PRLR: variants seen among roughly 807,000 people sequenced by gnomAD.
The protein encoded by PRLR is hPRL receptor.
A neutral mutation model predicts 40.2 loss-of-function variants in PRLR; 13 were observed. The observed-to-expected ratio is 0.32, with a 90% confidence interval of 0.21 to 0.51. The LOEUF (loss-of-function observed/expected upper bound fraction) is 0.51. Ranked by LOEUF, PRLR falls within the 20% of genes least tolerant of loss-of-function variation. PRLR has a pLI of 0.97. For missense variants in PRLR, 656 were observed against 747.3 expected, an observed-to-expected ratio of 0.88 and a Z score of 1.42; for synonymous variants, 269 against 278.7, an observed-to-expected ratio of 0.97 and a Z score of 0.35.
chr5:35,165,346 G>T (rs141823803), intron 1 of PRLR, among the ~76,000 whole-genome samples: 1 of 152,164 alleles, frequency 6.6e-6, no homozygotes, highest in Non-Finnish European at 1.5e-5. Context: ...TAACTCTATC[G>T]TTCTTTACCG....
In PRLR at chr5:35,060,097, A is replaced by G. The variant is rs960057673; in HGVS notation, c.*4992T>C. On this transcript the variant is annotated 3_prime_UTR_variant, in exon 10 of 10. Coordinates refer to ENST00000618457, the MANE Select transcript of PRLR (RefSeq NM_000949.7). ...TGAATTAACTAAATAATTAATGAAC[A>G]TGGGCTTAATCTCTAAGTATGCAAA... is the stretch of plus-strand genomic sequence containing the variant. 1 of 152,264 alleles carries G rather than the reference A, an allele frequency of 6.6e-6. No homozygotes were observed. Among genetic ancestry groups the G allele is most frequent in the Non-Finnish European group, 1.5e-5 (1 of 68,044 alleles). The allele number at this position is 152,264 out of a possible 1,614,324, so 9.4% of individuals were successfully genotyped here.
At chr5:35,124,469 A>G (rs1412774578) in intron 1 of PRLR, among the ~76,000 whole-genome samples, 1 of 152,186 alleles carries the variant, frequency 6.6e-6, no homozygotes, top group South Asian at 2.1e-4. Flanking sequence ...CCGAAATGCT[A>G]TGACTGTAGG....
At chr5:35,052,438 T>C (rs1768525712), downstream of PRLR, among the ~76,000 whole-genome samples, 1 of 152,206 alleles carries the variant, frequency 6.6e-6, no homozygotes. Context: ...TATAAAGGCA[T>C]ATCTTTCACA....
intron 7 of PRLR, among the ~76,000 whole-genome samples, chr5:35,069,108 T>A (rs1345280791): frequency 6.6e-6 from 1 of 152,184 alleles, no homozygotes; most frequent in Non-Finnish European, 1.5e-5. Flanking sequence ...TTAAAAATCC[T>A]TTCATTATTC....
chr5:35,102,181 T>C (rs576158842), intron 2 of PRLR, among the ~76,000 whole-genome samples: 2 of 152,208 alleles, frequency 1.3e-5, no homozygotes, highest in South Asian at 4.1e-4. Context: ...TTCTCTGATT[T>C]CCTAATTGAA....
intron 1 of PRLR, among the ~76,000 whole-genome samples, chr5:35,220,108 C>T (rs1407253916): frequency 6.6e-6 from 1 of 152,158 alleles, no homozygotes; most frequent in East Asian, 1.9e-4. Context: ...AGCCATTCTC[C>T]ACACAGAAGC....
chr5:35,223,572 G>A (rs1378236037), intron 1 of PRLR, among the ~76,000 whole-genome samples: 1 of 152,164 alleles, frequency 6.6e-6, no homozygotes, highest in Non-Finnish European at 1.5e-5. Flanking sequence ...ATGTGAGGTG[G>A]CTCTCTCCTT....
At chr5:35,188,686 C>T (rs1205376054) in intron 1 of PRLR, among the ~76,000 whole-genome samples, 1 of 152,122 alleles carries the variant, frequency 6.6e-6, no homozygotes, top group African/African-American at 2.4e-5. Context: ...TAAGCCCTGA[C>T]CAACCAAAAA....
At chr5:35,157,205 T>C (rs902393402) in intron 1 of PRLR, among the ~76,000 whole-genome samples, 1 of 152,108 alleles carries the variant, frequency 6.6e-6, no homozygotes, top group Non-Finnish European at 1.5e-5. Flanking sequence ...TTTTCCTTTA[T>C]GGAAACTGTA....
At chr5:35,094,366 T>G in intron 2 of PRLR, among the ~76,000 whole-genome samples, 1 of 152,358 alleles carries the variant, frequency 6.6e-6, no homozygotes, top group East Asian at 1.9e-4. Flanking sequence ...TTTTACATAA[T>G]TCATTTTCAT....
chr5:35,075,309 G>A (rs1005688774), intron 5 of PRLR, among the ~76,000 whole-genome samples: 1 of 152,180 alleles, frequency 6.6e-6, no homozygotes, highest in African/African-American at 2.4e-5. Context: ...CATGACAGAT[G>A]GTACCTGGAA....
intron 7 of PRLR, among the ~76,000 whole-genome samples, chr5:35,069,798 C>T (rs1365436531): frequency 7.2e-5 from 11 of 152,170 alleles, no homozygotes; most frequent in African/African-American, 2.7e-4. Context: ...CTTATAAATT[C>T]TGGAAGAACT....
intron 1 of PRLR, among the ~76,000 whole-genome samples, chr5:35,223,482 A>G (rs1266104027): frequency 2.0e-5 from 3 of 152,194 alleles, no homozygotes; most frequent in African/African-American, 4.8e-5. Flanking sequence ...CCACTGGATT[A>G]AGCCAACTGT....
chr5:35,069,557 A>G (rs1407960105), intron 7 of PRLR, among the ~76,000 whole-genome samples: 1 of 152,234 alleles, frequency 6.6e-6, no homozygotes, highest in Non-Finnish European at 1.5e-5. Flanking sequence ...TTTTAATGAT[A>G]ATCATATTCT....
In PRLR at chr5:35,058,846, A is replaced by G. The variant is rs1231096740; in HGVS notation, c.*6243T>C. On this transcript the variant is annotated 3_prime_UTR_variant, in exon 10 of 10. Transcript: ENST00000618457. ...GTAATGCCACTTGGCAAATACATCA[A>G]ATATGCCACCGAAAACCAGTCAAAG... 2 of 152,214 alleles carry G rather than the reference A, an allele frequency of 1.3e-5. No homozygotes were observed. Among genetic ancestry groups the G allele is most frequent in the Non-Finnish European group, 2.9e-5 (2 of 68,028 alleles). The allele number at this position is 152,214 out of a possible 1,614,324, so 9.4% of individuals were successfully genotyped here.
At chr5:35,089,465 G>A (rs530592899) in intron 3 of PRLR, 86 bp downstream of exon 3, 11 of 871,208 alleles carry the variant, frequency 1.3e-5, no homozygotes, top group Non-Finnish European at 1.9e-5. Context: ...TTTTCATAAT[G>A]GCATTGCAAG....
At chr5:35,172,295 C>A (rs1251843903) in intron 1 of PRLR, among the ~76,000 whole-genome samples, 1 of 152,220 alleles carries the variant, frequency 6.6e-6, no homozygotes, top group African/African-American at 2.4e-5. Context: ...CTGCTCTGAA[C>A]TATGTGGACT....
chr5:35,077,633 T>C (rs980105602), intron 5 of PRLR, among the ~76,000 whole-genome samples: 1 of 152,098 alleles, frequency 6.6e-6, no homozygotes, highest in African/African-American at 2.4e-5. Flanking sequence ...CTGTCAACAT[T>C]AGACAGATCG....
chr5:35,229,402 G>C (rs1324746399), intron 1 of PRLR, among the ~76,000 whole-genome samples: 1 of 152,008 alleles, frequency 6.6e-6, no homozygotes, highest in African/African-American at 2.4e-5. Flanking sequence ...TTGTTTTCAG[G>C]GCAGTGTGGG....
Sources: allele counts gnomAD v4.1 joint callset (sites outside exome capture counted in the v4.1 genomes callset), GRCh38; gene constraint gnomAD v4.1.1; transcripts MANE v1.5; gene names NCBI Gene and HGNC (gene_info 2026-07-23, HGNC 2026-07-21).